The following TBC1D8B variants were observed in gnomAD, a reference collection of about 807,000 sequenced individuals.
TBC1D8B encodes TBC1 domain family member 8B.
TBC1D8B carries 75 observed loss-of-function variants against 82.9 expected under a neutral mutation model. The observed-to-expected ratio is 0.90, with a 90% confidence interval of 0.75 to 1.10. The LOEUF is 1.10. Ranked by LOEUF, TBC1D8B falls within the 50% of genes least tolerant of loss-of-function variation. The pLI is 0.00. For missense variants in TBC1D8B, 794 were observed against 796.9 expected (o/e 1.00, Z 0.04); for synonymous variants, 276 against 276.8 (o/e 1.00, Z 0.03).
intron 10 of TBC1D8B, among the ~76,000 whole-genome samples, 189 bp from the exon 11 acceptor site, chrX:106,847,997 T>G (rs769892824): frequency 8.9e-5 from 10 of 112,022 alleles, no homozygotes; most frequent in African/African-American, 2.9e-4. Flanking sequence ...AAATAACTGA[T>G]TATCAAATGT....
intron 14 of TBC1D8B, among the ~76,000 whole-genome samples, chrX:106,863,484 TG>T (rs748877124): frequency 9.0e-6 from 1 of 111,494 alleles, no homozygotes; most frequent in East Asian, 2.9e-4. Context: ...GTCGGCCCTG[TG>T]GAGGGAGGCA....
chrX:106,833,314 T>C, intron 7 of TBC1D8B, among the ~76,000 whole-genome samples: 1 of 111,697 alleles, frequency 9.0e-6, no homozygotes, highest in African/African-American at 3.2e-5. Context: ...CTATGTTGCT[T>C]TCTAGATGTG....
rs188278276 is a variant in TBC1D8B, at chrX:106,817,072, T to G, written c.131-1591T>G. ...TTTTCTTAAAAATCTGTATTCTAAATTAAAGGGAAATGCCTCATAAAGCAA... is the reference window on the plus strand; with the variant it reads ...TTTTCTTAAAAATCTGTATTCTAAAGTAAAGGGAAATGCCTCATAAAGCAA... On this transcript the variant is annotated intron_variant, in intron 1 of 20. Transcript: ENST00000357242. 2.1e-4 allele frequency among the ~76,000 whole-genome samples: 24 copies of G among 111,748 alleles called. No homozygotes were observed. In the Admixed American group the frequency reaches 2.2e-3, roughly 10 times the overall value.
intron 16 of TBC1D8B, among the ~76,000 whole-genome samples, chrX:106,866,439 A>G (rs951484707): frequency 5.4e-5 from 6 of 111,677 alleles, no homozygotes; most frequent in African/African-American, 1.9e-4. Flanking sequence ...ACCTGTAGAT[A>G]TTGTTCATTT....
intron 1 of TBC1D8B, chrX:106,813,867 A>C (rs889770625): frequency 3.7e-5 from 4 of 108,985 alleles, no homozygotes; most frequent in African/African-American, 1.0e-4. Flanking sequence ...ATTTTTTTTT[A>C]TTATTACACT....
chrX:106,828,367 G>A (rs1414010752), intron 7 of TBC1D8B: 2 of 113,238 alleles, frequency 1.8e-5, no homozygotes, highest in African/African-American at 6.4e-5. Flanking sequence ...GAGGTACAAG[G>A]AGGAACTGGT....
At chrX:106,833,727 A>C (rs1288934231) in intron 7 of TBC1D8B, among the ~76,000 whole-genome samples, 3 of 111,442 alleles carry the variant, frequency 2.7e-5, no homozygotes, top group Admixed American at 9.6e-5. Context: ...TTATAAATTT[A>C]TGTTTAGGGT....
chrX:106,867,614 AAC>A (rs200052211), intron 17 of TBC1D8B, among the ~76,000 whole-genome samples: 6,814 of 111,713 alleles, frequency 0.061, 547 homozygotes, highest in African/African-American at 0.21. Flanking sequence ...ACTTTGTGAA[AAC>A]AGTCTTAGGC....
chrX:106,814,446 T>C lies in TBC1D8B; in HGVS notation c.131-4217T>C, dbSNP rs1481250684. On this transcript the variant is annotated intron_variant, in intron 1 of 20. Coordinates refer to ENST00000357242, the MANE Select transcript of TBC1D8B (RefSeq NM_017752.3). ...ACATTTTCTTAATCCAGTCTATCAT[T>C]GTTGGACATTTGGCTTGGTTCCAAG... The C allele has an allele frequency of 1.4e-4, 15 of 107,002 alleles. No homozygotes were observed. The Admixed American group carries it at 1.5e-3, about 11-fold the overall frequency. 8.8% of individuals were successfully genotyped at this position (107,002 alleles called of 1,213,427 possible).
chrX:106,834,895 C>A (rs370589653), intron 7 of TBC1D8B, among the ~76,000 whole-genome samples: 1 of 112,048 alleles, frequency 8.9e-6, no homozygotes. Context: ...GTACAGCCCC[C>A]CTCCTGGCTG....
Position 106,866,019 on chromosome X carries a change from TCTC to T in TBC1D8B, c.2652_2654del (p.Ser885del). The T allele has an allele frequency of 1.7e-6, 2 of 1,201,975 alleles. No homozygotes were observed. Among genetic ancestry groups the T allele is most frequent in the Non-Finnish European group, 2.2e-6 (2 of 892,292 alleles). ...GATTGCCTTATAAACTTCAAAGAAT[TCTC>T]CTCTGCAATTGGTAAGATGATTTTT... On this transcript the variant is annotated inframe_deletion, in exon 16 of 21. Transcript: ENST00000357242.
At chrX:106,847,171 T>C (rs763417367) in intron 10 of TBC1D8B, among the ~76,000 whole-genome samples, 240 of 111,893 alleles carry the variant, frequency 2.1e-3, no homozygotes, top group African/African-American at 7.4e-3. Flanking sequence ...CAGCATTATA[T>C]GTAATAGTAA....
intron 1 of TBC1D8B, among the ~76,000 whole-genome samples, chrX:106,811,304 T>C (rs926646839): frequency 5.4e-5 from 6 of 111,628 alleles, no homozygotes; most frequent in Non-Finnish European, 9.4e-5. Context: ...GCAGGAGAAT[T>C]GCTTGAGCCC....
intron 10 of TBC1D8B, 28 bp downstream of exon 10, chrX:106,840,912 G>A (rs753876238): frequency 1.7e-6 from 2 of 1,143,185 alleles, no homozygotes; most frequent in Non-Finnish European, 2.4e-6. Context: ...GCCCAACTGT[G>A]TGTATGTTCC....
At chrX:106,858,175 A>G (rs890553497) in intron 14 of TBC1D8B, among the ~76,000 whole-genome samples, 18 of 112,226 alleles carry the variant, frequency 1.6e-4, no homozygotes, top group African/African-American at 5.2e-4. Context: ...AGTGATGTTG[A>G]TCATGTGCTT....
intron 2 of TBC1D8B, 115 bp downstream of exon 2, chrX:106,818,888 C>A: frequency 3.9e-6 from 2 of 514,140 alleles, no homozygotes; most frequent in Non-Finnish European, 6.0e-6. Context: ...ATTAAATGTG[C>A]AACTTTACTT....
At chrX:106,818,820 C>G in intron 2 of TBC1D8B, 47 bp downstream of exon 2, 2 of 969,387 alleles carry the variant, frequency 2.1e-6, no homozygotes, top group Non-Finnish European at 2.9e-6. Context: ...AAGGGTACTA[C>G]AAAGCTGAGT....
intron 14 of TBC1D8B, among the ~76,000 whole-genome samples, chrX:106,863,793 G>A (rs902495746): frequency 2.7e-5 from 3 of 111,925 alleles, no homozygotes; most frequent in African/African-American, 9.7e-5. Context: ...ACAACAGGAT[G>A]TTGCAGCCAC....
At chrX:106,869,619 G>C (rs1222530209) in intron 19 of TBC1D8B, 78 bp downstream of exon 19, 3 of 815,982 alleles carry the variant, frequency 3.7e-6, no homozygotes, top group South Asian at 3.2e-5. Flanking sequence ...AGGGGGAAAA[G>C]GTGGATTCCT....
Sources: gnomAD v4.1 joint callset for allele counts (sites outside exome capture counted in the v4.1 genomes callset) on GRCh38, gnomAD v4.1.1 for gene constraint, MANE v1.5 for transcripts, NCBI Gene and HGNC (gene_info 2026-07-23, HGNC 2026-07-21) for gene names.